Variants in DNAH11 observed in about 807,000 individuals in gnomAD.
DNAH11 encodes axonemal beta dynein heavy chain 11.
A neutral mutation model predicts 526.0 loss-of-function variants in DNAH11; 442 were observed. The ratio of observed to expected loss-of-function variants is 0.84; its 90% confidence interval spans 0.78 to 0.91. DNAH11 has a LOEUF of 0.91. Among genes scored for constraint, DNAH11 ranks in the 40% least tolerant of loss-of-function variants. The pLI, the probability that DNAH11 is intolerant of heterozygous loss-of-function variation, is 0.00. For synonymous variants in DNAH11, 2,461 were observed against 1,935.9 expected, an observed-to-expected ratio of 1.27 and a Z score of -7.12; for missense variants, 6,989 against 5,448.7, an observed-to-expected ratio of 1.28 and a Z score of -8.90.
intron 54 of DNAH11, among the ~76,000 whole-genome samples, chr7:21,753,628 C>T (rs573572141): frequency 6.6e-6 from 1 of 152,260 alleles, no homozygotes; most frequent in Non-Finnish European, 1.5e-5. Flanking sequence ...AGTGTATGTC[C>T]AATAGCCATA....
intron 55 of DNAH11, among the ~76,000 whole-genome samples, chr7:21,767,734 A>C (rs1349099916): frequency 6.6e-6 from 1 of 152,216 alleles, no homozygotes; most frequent in Non-Finnish European, 1.5e-5. Context: ...CAATGTGTCC[A>C]TGGTCTTCTA....
In DNAH11 at chr7:21,861,879, G is replaced by A. The variant is rs369957863; in HGVS notation, c.11229G>A (p.Ala3743=). 33 of 1,613,286 alleles carry A rather than the reference G, an allele frequency of 2.0e-5. No individual in the cohort carries two copies. The highest frequency in any genetic ancestry group is 2.0e-4 in the African/African-American group (15 of 74,986). The change falls in exon 69 of 82, where the codon GCG becomes GCA. Residue 3743 remains alanine, a synonymous_variant. Transcript: ENST00000409508. ...LKAFNVLFHR[A]IEQADKVEDM... is the part of the protein sequence containing the mutation. Reference sequence around the variant, plus strand: ...CTTTTAACGTGCTGTTCCACAGAGCGATCGAGCAGGCTGACAAGGTGGAAG... The same window carrying A: ...CTTTTAACGTGCTGTTCCACAGAGCAATCGAGCAGGCTGACAAGGTGGAAG...
At chr7:21,588,413 T>C (rs1381239223) in intron 10 of DNAH11, 99 bp from the exon 11 acceptor site, 1 of 1,459,560 alleles carries the variant, frequency 6.9e-7, no homozygotes, top group Non-Finnish European at 9.4e-7. Context: ...TGTTTTATAC[T>C]ACTGTAAAAA....
At position 21,687,171 on chromosome 7, in the gene DNAH11, G is replaced by C. The variant is rs1487753853; in HGVS notation, c.5694G>C (p.Gly1898=). The C allele has an allele frequency of 6.2e-7, 1 of 1,613,062 alleles. No individual in the cohort carries two copies. The change falls in exon 33 of 82, where the codon GGG becomes GGC. Residue 1898 remains glycine (G), a synonymous_variant. Coordinates refer to ENST00000409508, the MANE Select transcript of DNAH11 (RefSeq NM_001277115.2). The stretch of plus-strand genomic sequence containing the variant: ...CTCCTGCTGGCCCAGCTGGTACCGG[G>C]AAAACAGAGACCACCAAAGACCTAG... The part of the protein sequence containing the change: ...SGAPAGPAGT[G]KTETTKDLGR...
At chr7:21,545,316 C>T (rs1029448218) in intron 2 of DNAH11, among the ~76,000 whole-genome samples, 167 bp downstream of exon 2, 2 of 140,492 alleles carry the variant, frequency 1.4e-5, no homozygotes, top group African/African-American at 5.3e-5. Flanking sequence ...AGCCAGGAGT[C>T]TCTAGCCAGG....
intron 28 of DNAH11, among the ~76,000 whole-genome samples, chr7:21,650,832 G>A (rs1294302474): frequency 2.0e-5 from 3 of 151,412 alleles, no homozygotes; most frequent in Non-Finnish European, 4.4e-5. Flanking sequence ...TAGAGTTGGC[G>A]TTTCACCATA....
intron 8 of DNAH11, among the ~76,000 whole-genome samples, chr7:21,578,891 T>C (rs1784206661): frequency 6.6e-6 from 1 of 152,166 alleles, no homozygotes; most frequent in African/African-American, 2.4e-5. Context: ...CCAAACCTAC[T>C]CTTGCCTGTC....
At chr7:21,898,668 A>G (rs1238743229) in intron 79 of DNAH11, among the ~76,000 whole-genome samples, 2 of 152,178 alleles carry the variant, frequency 1.3e-5, no homozygotes, top group Non-Finnish European at 2.9e-5. Flanking sequence ...AGCCTCTGTG[A>G]GCCAGCTTCC....
chr7:21,793,144 A>G (rs961216517), intron 61 of DNAH11, among the ~76,000 whole-genome samples: 2 of 152,200 alleles, frequency 1.3e-5, no homozygotes, highest in African/African-American at 4.8e-5. Context: ...GATTAGGAAC[A>G]TGTTTAATTT....
At chr7:21,899,511 CTTTG>C in intron 80 of DNAH11, 63 bp downstream of exon 80, 1 of 1,290,600 alleles carries the variant, frequency 7.7e-7, no homozygotes, top group Non-Finnish European at 1.1e-6. Flanking sequence ...AGAAGCCCTG[CTTTG>C]TTTACCTATG....
chr7:21,596,917 T>A (rs966156187), intron 14 of DNAH11, among the ~76,000 whole-genome samples: 2 of 152,242 alleles, frequency 1.3e-5, no homozygotes, highest in South Asian at 4.1e-4. Flanking sequence ...TTTTAAGTGA[T>A]TATTTTCCTC....
intron 57 of DNAH11, among the ~76,000 whole-genome samples, chr7:21,781,086 G>A (rs754186815): frequency 1.3e-5 from 2 of 152,192 alleles, no homozygotes; most frequent in South Asian, 4.1e-4. Context: ...CATGCTCTGT[G>A]TTCACATTTG....
intron 65 of DNAH11, among the ~76,000 whole-genome samples, chr7:21,831,851 G>A (rs1363544149): frequency 6.6e-6 from 1 of 152,196 alleles, no homozygotes; most frequent in African/African-American, 2.4e-5. Flanking sequence ...AGCACTTTGG[G>A]AGGCTGAGAC....
rs550602612 is a variant in DNAH11, at chr7:21,564,194, G to A, written c.991G>A (p.Glu331Lys). 162 of 1,565,554 alleles carry A rather than the reference G, an allele frequency of 1.0e-4. No individual in the cohort carries two copies. Among genetic ancestry groups the A allele is most frequent in the Non-Finnish European group, 1.3e-4 (149 of 1,158,148 alleles). Reference sequence around the variant, plus strand: ...TGGTTCTTTGCTTTCAGCTCTTCTCGAAGCCCAAGATGTGGAACTTTACCT... The same window carrying A: ...TGGTTCTTTGCTTTCAGCTCTTCTCAAAGCCCAAGATGTGGAACTTTACCT... The part of the protein sequence containing the change: ...IFLAVENALL[E>K]AQDVELYLRP... The change falls in exon 6 of 82, where the codon GAA becomes AAA. Residue 331 changes from glutamate (E) to lysine (K), a missense_variant. Physicochemically the swap from Glu to Lys is moderately conservative, Grantham distance 56. Transcript: ENST00000409508.
chr7:21,589,857 C>T (rs1408064525), intron 12 of DNAH11, among the ~76,000 whole-genome samples: 1 of 152,120 alleles, frequency 6.6e-6, no homozygotes. Context: ...CAACAGAATA[C>T]ACAGAATGAA....
At chr7:21,665,625 T>C (rs1782393491) in intron 30 of DNAH11, among the ~76,000 whole-genome samples, 1 of 152,170 alleles carries the variant, frequency 6.6e-6, no homozygotes, top group South Asian at 2.1e-4. Context: ...TTTAGTGTTC[T>C]TCTCTTAAAA....
At chr7:21,832,558 A>G (rs992765983) in intron 65 of DNAH11, among the ~76,000 whole-genome samples, 2 of 152,106 alleles carry the variant, frequency 1.3e-5, no homozygotes, top group African/African-American at 4.8e-5. Flanking sequence ...TCTTTATCCA[A>G]TTTGCCAATC....
At chr7:21,572,286 G>A (rs193199504) in intron 8 of DNAH11, among the ~76,000 whole-genome samples, 33 of 152,194 alleles carry the variant, frequency 2.2e-4, no homozygotes, top group African/African-American at 7.0e-4. Flanking sequence ...CATGTAACTC[G>A]TGCTTTATTT....
chr7:21,633,666 G>C (rs756523706), intron 25 of DNAH11, among the ~76,000 whole-genome samples: 11 of 152,120 alleles, frequency 7.2e-5, no homozygotes, highest in Non-Finnish European at 1.3e-4. Context: ...TGTTCTCTAG[G>C]AAGATGCACT....
Sources: allele counts gnomAD v4.1 joint callset (sites outside exome capture counted in the v4.1 genomes callset), GRCh38; gene constraint gnomAD v4.1.1; transcripts MANE v1.5; gene names NCBI Gene and HGNC (gene_info 2026-07-23, HGNC 2026-07-21).